PBX1: variants seen among roughly 807,000 people sequenced by gnomAD.
PBX1 encodes the protein PBX homeobox 1.
A neutral mutation model predicts 53.4 loss-of-function variants in PBX1; 6 were observed. That is an observed-to-expected ratio of 0.11 (90% CI 0.06 to 0.22). The LOEUF (loss-of-function observed/expected upper bound fraction) is 0.22, where lower values mean the gene tolerates loss of function less well. Ranked by LOEUF, PBX1 falls within the 10% of genes least tolerant of loss-of-function variation. PBX1 has a pLI of 1.00. For missense variants in PBX1, 251 were observed against 551.4 expected (o/e 0.46, Z 5.46); for synonymous variants, 204 against 212.3 (o/e 0.96, Z 0.34).
chr1:164,750,411 CA>C (rs1465673455), intron 2 of PBX1, among the ~76,000 whole-genome samples: 1 of 152,134 alleles, frequency 6.6e-6, no homozygotes, highest in Non-Finnish European at 1.5e-5. Flanking sequence ...TCTTTACTCT[CA>C]CTGACTACAA....
At chr1:164,791,919 G>T (rs945138915) in intron 2 of PBX1, among the ~76,000 whole-genome samples, 1 of 151,946 alleles carries the variant, frequency 6.6e-6, no homozygotes, top group Non-Finnish European at 1.5e-5. Flanking sequence ...CCGCCTCCTG[G>T]GTTCAAGGGA....
At chr1:164,571,734 A>T (rs1370128789) in intron 2 of PBX1, among the ~76,000 whole-genome samples, 2 of 151,262 alleles carry the variant, frequency 1.3e-5, no homozygotes, top group East Asian at 3.9e-4. Flanking sequence ...CTGGATAAGG[A>T]GTGGAGTTGC....
In PBX1 at chr1:164,563,680, T is replaced by C. The variant is rs1653221420; in HGVS notation, c.265+369T>C. Reference sequence around the variant, plus strand: ...TGGCCCATTTTTAAAACCCTAATTTTTTTGGAGTTGGGTGTGGGGGTGCTA... The same window carrying C: ...TGGCCCATTTTTAAAACCCTAATTTCTTTGGAGTTGGGTGTGGGGGTGCTA... On this transcript the variant is annotated intron_variant, in intron 2 of 8. Coordinates refer to ENST00000420696, the MANE Select transcript of PBX1 (RefSeq NM_002585.4). Among the ~76,000 whole-genome samples, 3 of 152,152 alleles carry C rather than the reference T, an allele frequency of 2.0e-5. No homozygotes were observed. The South Asian group carries it at 6.2e-4, about 31-fold the overall frequency.
At chr1:164,800,166 ACT>A (rs1669000412) in intron 4 of PBX1, among the ~76,000 whole-genome samples, 1 of 152,140 alleles carries the variant, frequency 6.6e-6, no homozygotes, top group African/African-American at 2.4e-5. Context: ...TTTTCATAGC[ACT>A]AGGTACCTCT....
chr1:164,583,087 C>G (rs1162412546), intron 2 of PBX1, among the ~76,000 whole-genome samples: 2 of 152,056 alleles, frequency 1.3e-5, no homozygotes, highest in Non-Finnish European at 2.9e-5. Flanking sequence ...AGTCCCTGTC[C>G]TTGAGGAAGG....
intron 2 of PBX1, among the ~76,000 whole-genome samples, chr1:164,879,196 G>A (rs569350013): frequency 6.6e-6 from 1 of 151,022 alleles, no homozygotes; most frequent in East Asian, 2.0e-4. Flanking sequence ...AACAGAGGGA[G>A]AAAAATTTTA....
intron 2 of PBX1, among the ~76,000 whole-genome samples, chr1:164,859,441 A>C (rs1172713392): frequency 6.6e-6 from 1 of 152,200 alleles, no homozygotes; most frequent in African/African-American, 2.4e-5. Context: ...ATTCCAGTCA[A>C]ATCACTGCAT....
At chr1:164,645,687 C>G (rs545506702) in intron 2 of PBX1, among the ~76,000 whole-genome samples, 2 of 152,156 alleles carry the variant, frequency 1.3e-5, no homozygotes, top group African/African-American at 2.4e-5. Context: ...CTTGCCAACA[C>G]GTACACACAG....
chr1:164,720,762 C>T (rs896933019), intron 2 of PBX1, among the ~76,000 whole-genome samples: 14 of 152,098 alleles, frequency 9.2e-5, no homozygotes, highest in African/African-American at 3.1e-4. Flanking sequence ...ATAGCAGTGG[C>T]GTTTGGGCAG....
chr1:164,788,556 C>T (rs1668316020), intron 2 of PBX1, among the ~76,000 whole-genome samples: 1 of 152,122 alleles, frequency 6.6e-6, no homozygotes, highest in South Asian at 2.1e-4. Context: ...AGACACAGCC[C>T]AAATCCACCA....
chr1:164,667,921 A>G (rs1242826179), intron 2 of PBX1, among the ~76,000 whole-genome samples: 1 of 152,134 alleles, frequency 6.6e-6, no homozygotes, highest in African/African-American at 2.4e-5. Context: ...GCAGGCAGTG[A>G]GCTACGGGAG....
Position 164,634,534 on chromosome 1 carries a change from G to T in PBX1, c.265+71223G>T, listed in dbSNP as rs184781460. On this transcript the variant is annotated intron_variant, in intron 2 of 8. Coordinates refer to ENST00000420696, the MANE Select transcript of PBX1 (RefSeq NM_002585.4). ...ACTACTATGGCAGTGCTTAAAATCA[G>T]TTTCTTCTTTAGTCCCTCCCACAAT... Among the ~76,000 whole-genome samples the T allele has an allele frequency of 4.6e-5, 7 of 152,276 alleles. No individual in the cohort carries two copies. The East Asian group carries it at 1.3e-3, about 29-fold the overall frequency.
intron 2 of PBX1, among the ~76,000 whole-genome samples, chr1:164,646,965 C>T (rs771010976): frequency 6.6e-6 from 1 of 152,182 alleles, no homozygotes; most frequent in Non-Finnish European, 1.5e-5. Context: ...GCATGGCCCT[C>T]GGAAGAGTGT....
intron 3 of PBX1, among the ~76,000 whole-genome samples, chr1:164,797,950 G>A (rs1668867326): frequency 6.6e-6 from 1 of 152,204 alleles, no homozygotes; most frequent in Non-Finnish European, 1.5e-5. Flanking sequence ...CCTCTCTGCT[G>A]TGTTCATGTG....
At chr1:164,602,818 C>G (rs2101804813) in intron 2 of PBX1, among the ~76,000 whole-genome samples, 1 of 152,090 alleles carries the variant, frequency 6.6e-6, no homozygotes, top group Non-Finnish European at 1.5e-5. Context: ...TTTCTTTCTG[C>G]CCTCAAAGGT....
intron 2 of PBX1, among the ~76,000 whole-genome samples, chr1:164,643,616 T>G (rs1050178729): frequency 6.6e-6 from 1 of 152,224 alleles, no homozygotes; most frequent in African/African-American, 2.4e-5. Flanking sequence ...GCTAATACCT[T>G]GGCTTTATTT....
chr1:164,802,041 G>A (rs1217390901), intron 4 of PBX1, among the ~76,000 whole-genome samples: 1 of 152,198 alleles, frequency 6.6e-6, no homozygotes, highest in Non-Finnish European at 1.5e-5. Context: ...CTGATGGGCA[G>A]GGCCTCACCA....
intron 8 of PBX1, among the ~76,000 whole-genome samples, chr1:164,827,817 C>T (rs1209822637): frequency 1.3e-5 from 2 of 152,200 alleles, no homozygotes; most frequent in East Asian, 3.9e-4. Context: ...TTTGCTTATT[C>T]ATTCATTCAC....
At chr1:164,632,751 T>C (rs986562484) in intron 2 of PBX1, among the ~76,000 whole-genome samples, 1 of 152,122 alleles carries the variant, frequency 6.6e-6, no homozygotes, top group Non-Finnish European at 1.5e-5. Context: ...GGACATGTGG[T>C]ATTTATGGTC....
Sources: allele counts gnomAD v4.1 joint callset (sites outside exome capture counted in the v4.1 genomes callset), GRCh38; gene constraint gnomAD v4.1.1; transcripts MANE v1.5; gene names NCBI Gene and HGNC (gene_info 2026-07-23, HGNC 2026-07-21).